DNAAF4: variants seen among roughly 807,000 people sequenced by gnomAD.
DNAAF4 encodes dynein assembly factor 4, axonemal.
Under a neutral mutation model 51.8 loss-of-function variants are expected in DNAAF4, and 43 were observed. That is an observed-to-expected ratio of 0.83 (90% CI 0.65 to 1.07). The LOEUF is 1.07. Among genes scored for constraint, DNAAF4 ranks in the 50% least tolerant of loss-of-function variants. The pLI, the probability that DNAAF4 is intolerant of heterozygous loss-of-function variation, is 0.00. For missense variants in DNAAF4, 581 were observed against 493.0 expected, an observed-to-expected ratio of 1.18 and a Z score of -1.69; for synonymous variants, 194 against 165.6, an observed-to-expected ratio of 1.17 and a Z score of -1.32.
rs3049057 is a variant in DNAAF4 at position 55,498,593 on chromosome 15, G to GA, written c.-255-10dup. Reference sequence around the variant, plus strand: ...AAGTAGACCCATACCCTCTGCTTGAGAAAAAAAAAAAAAAAAAAAAGCACT... The same window carrying GA: ...AAGTAGACCCATACCCTCTGCTTGAGAAAAAAAAAAAAAAAAAAAAAGCACT... On this transcript the variant is annotated splice_polypyrimidine_tract_variant and intron_variant, in intron 1 of 9. Transcript: ENST00000321149. The GA allele has an allele frequency of 4.6e-3, 340 of 74,644 alleles. 10 individuals are homozygous for GA. Among genetic ancestry groups the GA allele is most frequent in the Middle Eastern group, 0.017 (2 of 118 alleles). 4.6% of individuals were successfully genotyped at this position (74,644 alleles called of 1,614,324 possible). A position where few individuals can be genotyped will look rare whatever the true frequency, so the allele number is the denominator to read the frequency against.
In DNAAF4 at chr15:55,491,134, C is replaced by T. The variant is rs987074610; in HGVS notation, c.394G>A (p.Val132Ile). ...ATTCTGCAACTTACCTTCATCATGA[C>T]ACTTAGTGCGTATTTTTGATCTTCC... ...KREDQKYALS[V>I]MMKIEEEERK... Residue 132 changes from valine to isoleucine, a missense_variant, in exon 4 of 10, where the codon GTC becomes ATC. Physicochemically the swap from Val to Ile is conservative, Grantham distance 29. Transcript: ENST00000321149. The T allele has an allele frequency of 3.1e-6, 5 of 1,613,964 alleles. No individual in the cohort carries two copies. In the African/African-American group the frequency reaches 4.0e-5, roughly 13 times the overall value.
At chr15:55,444,348 G>A (rs1270564116) in intron 6 of DNAAF4, among the ~76,000 whole-genome samples, 3 of 152,124 alleles carry the variant, frequency 2.0e-5, no homozygotes, top group Admixed American at 6.6e-5. Context: ...AAGATCAGAT[G>A]GTTGTAGATG....
chr15:55,443,235 T>C, intron 6 of DNAAF4: 1 of 1,607,720 alleles, frequency 6.2e-7, no homozygotes, highest in Non-Finnish European at 8.5e-7. Context: ...TAAGAATGAC[T>C]TCCTCAGAAG....
At chr15:55,473,134 C>A (rs371054492) in intron 4 of DNAAF4, among the ~76,000 whole-genome samples, 64 of 145,524 alleles carry the variant, frequency 4.4e-4, no homozygotes, top group African/African-American at 1.6e-3. Context: ...CCACTGCATT[C>A]CAGCCTGGGT....
intron 7 of DNAAF4, among the ~76,000 whole-genome samples, chr15:55,439,219 G>T (rs2057667572): frequency 6.6e-6 from 1 of 152,180 alleles, no homozygotes; most frequent in South Asian, 2.1e-4. Context: ...TCCCGCCGCA[G>T]CCTTCTGAGT....
chr15:55,466,851 T>C (rs1336396418), intron 5 of DNAAF4, 79 bp downstream of exon 5: 1 of 1,527,070 alleles, frequency 6.5e-7, no homozygotes, highest in Non-Finnish European at 8.8e-7. Flanking sequence ...ATGCTGTGAA[T>C]AGATTTACAA....
intron 6 of DNAAF4, chr15:55,443,280 C>G (rs1425592172): frequency 7.2e-6 from 11 of 1,523,066 alleles, no homozygotes; most frequent in Non-Finnish European, 9.9e-6. Flanking sequence ...GCTCACTACC[C>G]GGCAGGCGCC....
chr15:55,434,857 T>C (rs762717453), intron 8 of DNAAF4, 48 bp downstream of exon 8: 12 of 1,368,542 alleles, frequency 8.8e-6, no homozygotes, highest in South Asian at 1.7e-5. Flanking sequence ...AACCAATTAA[T>C]AGAAGGATAT....
rs1334643242 is a variant in DNAAF4, at chr15:55,498,307, T to C, written c.23A>G (p.Tyr8Cys). ...CGCAGTCTTCGTCTGCTGCCAGCTG[T>C]AATCGCTAACCTGAAGAGGCATTCC... is the stretch of plus-strand genomic sequence containing the variant. MPLQVSD[Y>C]SWQQTKTAVF... is the part of the protein sequence containing the mutation. The change falls in exon 2 of 10, where the codon TAC becomes TGC. Residue 8 changes from tyrosine (Y) to cysteine (C), a missense_variant. Coordinates refer to ENST00000321149, the MANE Select transcript of DNAAF4 (RefSeq NM_130810.4). 5.0e-6 allele frequency: 8 copies of C among 1,612,344 alleles called. No individual in the cohort carries two copies. The South Asian group carries it at 6.6e-5, about 13-fold the overall frequency.
At chr15:55,450,967 C>T (rs1301838913) in intron 5 of DNAAF4, among the ~76,000 whole-genome samples, 2 of 152,140 alleles carry the variant, frequency 1.3e-5, no homozygotes, top group Non-Finnish European at 2.9e-5. Context: ...GCCTGTGGCA[C>T]ATACCTATAA....
intron 7 of DNAAF4, among the ~76,000 whole-genome samples, chr15:55,424,251 A>G (rs926119734): frequency 2.6e-5 from 4 of 152,190 alleles, no homozygotes; most frequent in African/African-American, 9.6e-5. Context: ...CTGTCTTACT[A>G]TGTGATACAT....
chr15:55,447,679 G>T (rs1027177178), intron 6 of DNAAF4, among the ~76,000 whole-genome samples: 2 of 149,678 alleles, frequency 1.3e-5, no homozygotes, highest in African/African-American at 2.5e-5. Context: ...TCGGCAGGCC[G>T]AGGCAGGAGA....
chr15:55,421,350 A>G (rs74787225), intron 7 of DNAAF4, among the ~76,000 whole-genome samples: 6,373 of 151,422 alleles, frequency 0.042, 466 homozygotes, highest in African/African-American at 0.15. Flanking sequence ...AAAATACAAA[A>G]TGCTTAGCCA....
intron 8 of DNAAF4, among the ~76,000 whole-genome samples, chr15:55,433,968 A>C (rs2057559769): frequency 2.1e-5 from 1 of 47,962 alleles, no homozygotes; most frequent in Non-Finnish European, 3.4e-5. Flanking sequence ...TATATAATAT[A>C]TTTTATATAT....
Position 55,498,487 on chromosome 15 carries a change from A to G in DNAAF4, c.-158T>C, listed in dbSNP as rs570583399. 8 of 1,030,980 alleles carry G rather than the reference A, an allele frequency of 7.8e-6. No individual in the cohort carries two copies. In the South Asian group the frequency reaches 1.4e-4, roughly 18 times the overall value. The allele number at this position is 1,030,980 out of a possible 1,614,324, so 63.9% of individuals were successfully genotyped here. A position where few individuals can be genotyped will look rare whatever the true frequency, so the allele number is the denominator to read the frequency against. On this transcript the variant is annotated 5_prime_UTR_variant, in exon 2 of 10. It removes an upstream start codon present in the reference 5' UTR. Transcript: ENST00000321149. The stretch of plus-strand genomic sequence containing the variant: ...CCGGCGCCAGCACCTCGCGGACTCC[A>G]TGCGTGACTATCCAGGCGCCCAGAC...
chr15:55,438,523 T>G (rs921995699), intron 7 of DNAAF4, among the ~76,000 whole-genome samples: 2 of 151,400 alleles, frequency 1.3e-5, no homozygotes, highest in African/African-American at 4.9e-5. Context: ...GGCTCATGCC[T>G]GTAATCCCAG....
At position 55,491,230 on chromosome 15, in the gene DNAAF4, T is replaced by C. The variant is rs765827416; in HGVS notation, c.298A>G (p.Arg100Gly). 4 of 1,613,122 alleles carry C rather than the reference T, an allele frequency of 2.5e-6. No individual in the cohort carries two copies. The African/African-American group carries it at 4.0e-5, about 16-fold the overall frequency. Residue 100 changes from arginine (R) to glycine (G), a missense_variant, in exon 4 of 10, where the codon AGA (arginine) becomes GGA (glycine). Physicochemically the swap from Arg to Gly is moderately radical, Grantham distance 125. Transcript: ENST00000321149. ...GVDKEMMQRI[R>G]EKSILQAQER... is the part of the protein sequence containing the mutation. ...TGTGCTTGTAAAATAGATTTTTCTC[T>C]AATTCTTTGCATCATCTCTTTGTCA... is the stretch of plus-strand genomic sequence containing the variant.
intron 6 of DNAAF4, among the ~76,000 whole-genome samples, chr15:55,449,696 CTTTTTTTT>C (rs368060926): frequency 1.1e-5 from 1 of 91,728 alleles, no homozygotes; most frequent in Admixed American, 1.6e-4. Context: ...AAAAAGACCG[CTTTTTTTT>C]TTTTTTTTTT....
chr15:55,425,791 A>G (rs557728089), downstream of DNAAF4, among the ~76,000 whole-genome samples: 48 of 152,310 alleles, frequency 3.2e-4, no homozygotes, highest in South Asian at 6.2e-3. Flanking sequence ...TGTAATTCAC[A>G]ACCTCTTTCT....
Sources: gnomAD v4.1 joint callset for allele counts (sites outside exome capture counted in the v4.1 genomes callset) on GRCh38, gnomAD v4.1.1 for gene constraint, MANE v1.5 for transcripts, NCBI Gene and HGNC (gene_info 2026-07-23, HGNC 2026-07-21) for gene names.